Variants in ZBTB10 observed in about 807,000 individuals in gnomAD.
ZBTB10 encodes the protein zinc finger and BTB domain containing 10.
A neutral mutation model predicts 76.4 loss-of-function variants in ZBTB10; 32 were observed. The ratio of observed to expected loss-of-function variants is 0.42; its 90% CI spans 0.32 to 0.56. The LOEUF is 0.56. Among genes scored for constraint, ZBTB10 ranks in the 20% least tolerant of loss-of-function variants. ZBTB10 has a pLI of 0.14. For missense variants in ZBTB10, 1,057 were observed against 1,098.5 expected (o/e 0.96, Z 0.53); for synonymous variants, 523 against 432.9 (o/e 1.21, Z -2.58).
chr8:80,493,422 G>T (rs1815695534), intron 1 of ZBTB10, among the ~76,000 whole-genome samples: 1 of 152,152 alleles, frequency 6.6e-6, no homozygotes, highest in Non-Finnish European at 1.5e-5. Flanking sequence ...AAGCAGGGGA[G>T]AATCATTATC....
Position 80,518,396 on chromosome 8 carries a change from G to T in ZBTB10, c.1961-7G>T. 1 of 1,547,064 alleles carries T rather than the reference G, an allele frequency of 6.5e-7. No individual in the cohort carries two copies. The highest frequency in any genetic ancestry group is 8.7e-7 in the Non-Finnish European group (1 of 1,145,976). On this transcript the variant is annotated splice_polypyrimidine_tract_variant and splice_region_variant and intron_variant, in intron 3 of 5. Transcript: ENST00000455036. ...CATTATTAATTCAGAATTTTTACTT[G>T]TACTAGGTACTTCACATGATTTCAA...
chr8:80,487,662 C>T lies in ZBTB10; in HGVS notation c.852C>T (p.Ser284=), dbSNP rs1422384782. Residue 284 remains serine, a synonymous_variant, in exon 1 of 6, where the codon AGC becomes AGT. Coordinates refer to ENST00000455036, the MANE Select transcript of ZBTB10 (RefSeq NM_001105539.3). ...WCQKTPADGG[S]VDLPPVGHDE... ...AAAAGACCCCTGCAGATGGGGGAAG[C>T]GTGGACCTTCCCCCAGTGGGGCATG... 4 of 1,613,930 alleles carry T rather than the reference C, an allele frequency of 2.5e-6. No individual in the cohort carries two copies. The highest frequency in any genetic ancestry group is 1.3e-5 in the African/African-American group (1 of 75,052).
intron 1 of ZBTB10, among the ~76,000 whole-genome samples, chr8:80,492,962 C>G (rs1042832747): frequency 1.3e-5 from 2 of 151,750 alleles, no homozygotes; most frequent in African/African-American, 2.4e-5. Flanking sequence ...GCCTGTAATC[C>G]CAGCACTTTG....
At chr8:80,506,772 C>G (rs940767789) in intron 2 of ZBTB10, among the ~76,000 whole-genome samples, 11 of 152,274 alleles carry the variant, frequency 7.2e-5, no homozygotes, top group Non-Finnish European at 1.0e-4. Context: ...CTAAATCTTA[C>G]CCCAAGGGTC....
At chr8:80,488,769 T>A (rs147869633) in intron 1 of ZBTB10, among the ~76,000 whole-genome samples, 1 of 152,356 alleles carries the variant, frequency 6.6e-6, no homozygotes, top group East Asian at 1.9e-4. Flanking sequence ...AGGCAACCTG[T>A]GGTGGTGGAT....
intron 2 of ZBTB10, among the ~76,000 whole-genome samples, chr8:80,502,738 T>TAAA (rs33919475): frequency 6.2e-4 from 90 of 145,136 alleles, no homozygotes; most frequent in African/African-American, 1.8e-3. Flanking sequence ...GCTAAAACAG[T>TAAA]AAAAAAAAAA....
At position 80,511,666 on chromosome 8, in the gene ZBTB10, T is replaced by C. The variant is rs974415336; in HGVS notation, c.1862-2244T>C. Among the ~76,000 whole-genome samples, 3 of 152,306 alleles carry C rather than the reference T, an allele frequency of 2.0e-5. No individual in the cohort carries two copies. The East Asian group carries it at 5.8e-4, about 29-fold the overall frequency. On this transcript the variant is annotated intron_variant, in intron 2 of 5. Transcript: ENST00000455036. ...CAATTTTATTTTTTGATTATTGAAA[T>C]ACATTTAACTTTAAGAAAACAAAAC...
chr8:80,493,431 T>C (rs1260363821), intron 1 of ZBTB10, among the ~76,000 whole-genome samples: 1 of 152,146 alleles, frequency 6.6e-6, no homozygotes, highest in African/African-American at 2.4e-5. Context: ...AGAATCATTA[T>C]CAAATGTGTA....
chr8:80,503,816 G>A (rs963463600), intron 2 of ZBTB10, among the ~76,000 whole-genome samples: 10 of 152,164 alleles, frequency 6.6e-5, no homozygotes, highest in Non-Finnish European at 7.4e-5. Context: ...GAGCCACTGC[G>A]CTCTGCCTGG....
intron 1 of ZBTB10, among the ~76,000 whole-genome samples, chr8:80,494,364 T>TA (rs1231220300): frequency 2.0e-5 from 3 of 152,198 alleles, no homozygotes; most frequent in Non-Finnish European, 4.4e-5. Flanking sequence ...TAACTGAAGT[T>TA]AGCCTCTCTT....
intron 3 of ZBTB10, 64 bp from the exon 4 acceptor site, chr8:80,518,339 T>A (rs910446410): frequency 1.2e-5 from 17 of 1,428,872 alleles, no homozygotes; most frequent in Middle Eastern, 2.5e-4. Flanking sequence ...ATTTCTGTTT[T>A]CTGACTCTGA....
intron 1 of ZBTB10, among the ~76,000 whole-genome samples, chr8:80,492,980 G>A (rs1174101739): frequency 1.3e-5 from 2 of 151,818 alleles, no homozygotes; most frequent in East Asian, 2.0e-4. Context: ...TTGGGAGGCC[G>A]AGGTGGGTGG....
chr8:80,486,213 C>T, upstream of ZBTB10: 3 of 1,088,338 alleles, frequency 2.8e-6, no homozygotes, highest in South Asian at 3.1e-5. Context: ...TGTGGGCGCA[C>T]GGTCCGTTGT....
intron 1 of ZBTB10, among the ~76,000 whole-genome samples, chr8:80,496,568 A>G (rs902670959): frequency 6.6e-6 from 1 of 152,228 alleles, no homozygotes; most frequent in African/African-American, 2.4e-5. Flanking sequence ...GTGTCAAAGT[A>G]GAATGGGCAG....
intron 2 of ZBTB10, among the ~76,000 whole-genome samples, chr8:80,502,672 GT>G (rs1336650611): frequency 2.0e-5 from 3 of 151,982 alleles, no homozygotes; most frequent in Non-Finnish European, 4.4e-5. Context: ...GAGCATTATG[GT>G]TAGGGTATAT....
chr8:80,499,869 GA>G lies in ZBTB10; in HGVS notation c.1350del (p.Val451LeufsTer13). ...CGTGGCCAGCTATCTTCAAATGAGT[GA>G]AGTTGTTCAAACTTGCCGAAATTTC... ...MTVASYLQMS[E>X]VVQTCRNFIK... On this transcript the variant is annotated frameshift_variant, in exon 2 of 6. Transcript: ENST00000455036. LOFTEE classifies it high-confidence loss of function. The G allele has an allele frequency of 6.2e-7, 1 of 1,613,930 alleles. No homozygotes were observed. The highest frequency in any genetic ancestry group is 8.5e-7 in the Non-Finnish European group (1 of 1,179,858).
At chr8:80,485,798 G>C (rs1315561992), upstream of ZBTB10, 2 of 1,535,422 alleles carry the variant, frequency 1.3e-6, no homozygotes, top group East Asian at 4.9e-5. Flanking sequence ...CAAGGCTGGA[G>C]CGCAGCTCCC....
chr8:80,526,004 T>G lies in ZBTB10; in HGVS notation c.*6476T>G, dbSNP rs1203280400. ...GTTACTGCAAGATGTAATGACCAAA[T>G]CCAACCTACTGCAAATGTTACTATG... On this transcript the variant is annotated 3_prime_UTR_variant, in exon 6 of 6. Transcript: ENST00000455036. 3 of 152,128 alleles carry G rather than the reference T, an allele frequency of 2.0e-5. No homozygotes were observed. Among genetic ancestry groups the G allele is most frequent in the Non-Finnish European group, 2.9e-5 (2 of 68,022 alleles). The allele number at this position is 152,128 out of a possible 1,614,324, so 9.4% of individuals were successfully genotyped here.
At chr8:80,511,940 A>G (rs1034135744) in intron 2 of ZBTB10, among the ~76,000 whole-genome samples, 3 of 152,156 alleles carry the variant, frequency 2.0e-5, no homozygotes, top group African/African-American at 7.2e-5. Context: ...TTTATTTATC[A>G]TGCATTATGA....
Sources: allele counts gnomAD v4.1 joint callset (sites outside exome capture counted in the v4.1 genomes callset), GRCh38; gene constraint gnomAD v4.1.1; transcripts MANE v1.5; gene names NCBI Gene and HGNC (gene_info 2026-07-23, HGNC 2026-07-21).